Variants in PARN observed in about 807,000 individuals in gnomAD.
The protein encoded by PARN is poly(A)-specific ribonuclease, also known as poly(A)-specific ribonuclease PARN.
In PARN, 71 loss-of-function variants were observed where a neutral mutation model predicts 102.8. The ratio of observed to expected loss-of-function variants is 0.69; its 90% CI spans 0.57 to 0.84. The LOEUF (loss-of-function observed/expected upper bound fraction) is 0.84. Among genes scored for constraint, PARN ranks in the 40% least tolerant of loss-of-function variants. The probability of loss-of-function intolerance (pLI) is 0.00; values close to 1 mark genes in which losing one functional copy is unlikely to be tolerated. For missense variants in PARN, 782 were observed against 760.9 expected (o/e 1.03, Z -0.33); for synonymous variants, 261 against 252.9 (o/e 1.03, Z -0.30).
At chr16:14,538,219 C>CTTTT (rs34012270) in intron 21 of PARN, among the ~76,000 whole-genome samples, 1 of 131,834 alleles carries the variant, frequency 7.6e-6, no homozygotes, top group Admixed American at 7.6e-5. Flanking sequence ...ATATTTTTCA[C>CTTTT]TTTTTTTTTT....
intron 6 of PARN, among the ~76,000 whole-genome samples, chr16:14,616,817 A>C (rs1971931372): frequency 6.6e-6 from 1 of 152,098 alleles, no homozygotes; most frequent in African/African-American, 2.4e-5. Flanking sequence ...AATAAACATA[A>C]ACATGCACTA....
chr16:14,625,772 C>T (rs1460568098), intron 5 of PARN, among the ~76,000 whole-genome samples: 1 of 152,162 alleles, frequency 6.6e-6, no homozygotes, highest in Non-Finnish European at 1.5e-5. Context: ...ACCCTCGAGG[C>T]TTTCATAACT....
intron 22 of PARN, among the ~76,000 whole-genome samples, chr16:14,453,138 A>G (rs1193453991): frequency 6.6e-6 from 1 of 152,248 alleles, no homozygotes; most frequent in Non-Finnish European, 1.5e-5. Context: ...GCTAGTTTAT[A>G]ATGAATAAGA....
At chr16:14,456,794 G>A (rs985274719) in intron 22 of PARN, among the ~76,000 whole-genome samples, 9 of 152,074 alleles carry the variant, frequency 5.9e-5, no homozygotes, top group Non-Finnish European at 1.0e-4. Context: ...TCACTGTGCC[G>A]GTCTCAACAG....
At chr16:14,482,943 T>C in intron 21 of PARN, 116 bp from the exon 22 acceptor site, 1 of 767,834 alleles carries the variant, frequency 1.3e-6, no homozygotes. Context: ...GCCTGAGGTC[T>C]GACCCTTGGC....
At chr16:14,546,646 C>T (rs1343268253) in intron 21 of PARN, among the ~76,000 whole-genome samples, 3 of 152,110 alleles carry the variant, frequency 2.0e-5, no homozygotes, top group Non-Finnish European at 2.9e-5. Flanking sequence ...CAATGTCCTA[C>T]GATGCATTTA....
At chr16:14,554,284 TA>T in intron 19 of PARN, 133 bp from the exon 20 acceptor site, 1 of 623,322 alleles carries the variant, frequency 1.6e-6, no homozygotes, top group Non-Finnish European at 2.8e-6. Flanking sequence ...AAACAACTCC[TA>T]AAAGTATGCC....
chr16:14,554,434 A>ATT (rs56118961), intron 19 of PARN, among the ~76,000 whole-genome samples: 1 of 144,540 alleles, frequency 6.9e-6, no homozygotes, highest in African/African-American at 2.5e-5. Flanking sequence ...TTATTTTTTA[A>ATT]TTTTTTTTTT....
At chr16:14,618,681 A>C (rs1213642152) in intron 5 of PARN, among the ~76,000 whole-genome samples, 3 of 151,006 alleles carry the variant, frequency 2.0e-5, no homozygotes, top group Non-Finnish European at 4.4e-5. Flanking sequence ...AAAATATTCC[A>C]CTGGGCGAAC....
At chr16:14,479,328 A>G (rs920512941) in intron 22 of PARN, among the ~76,000 whole-genome samples, 16 of 151,992 alleles carry the variant, frequency 1.1e-4, no homozygotes, top group Admixed American at 2.6e-4. Flanking sequence ...TGGCTGAGGC[A>G]GGAGACTCCT....
chr16:14,494,501 T>C (rs1483138877), intron 21 of PARN, among the ~76,000 whole-genome samples: 5 of 152,118 alleles, frequency 3.3e-5, no homozygotes, highest in East Asian at 3.9e-4. Context: ...GCAGGTAGTG[T>C]AGAAATTCTG....
At chr16:14,523,254 CACAA>C (rs1458183749) in intron 21 of PARN, among the ~76,000 whole-genome samples, 1 of 151,116 alleles carries the variant, frequency 6.6e-6, no homozygotes, top group African/African-American at 2.4e-5. Context: ...CACACACACA[CACAA>C]ACTATACATA....
At position 14,629,300 on chromosome 16, in the gene PARN, AAC is replaced by A. The variant is rs777079878; in HGVS notation, c.97+295_97+296del. 4.6e-5 allele frequency among the ~76,000 whole-genome samples: 7 copies of A among 152,356 alleles called. No homozygotes were observed. The South Asian group carries it at 6.2e-4, about 14-fold the overall frequency. ...TACCTATTTTACAATCAAGAAAAAA[AAC>A]AGTCTGACCCTAATCCTCAAGCTCT... On this transcript the variant is annotated intron_variant, in intron 2 of 23. Transcript: ENST00000437198.
At chr16:14,577,410 T>C (rs1426343401) in intron 18 of PARN, among the ~76,000 whole-genome samples, 2 of 152,178 alleles carry the variant, frequency 1.3e-5, no homozygotes, top group East Asian at 1.9e-4. Flanking sequence ...CTTTTTTCTT[T>C]TTGGTCTCCT....
rs1192924206 is a variant in PARN, at chr16:14,584,762, G to C, written c.992C>G (p.Thr331Arg). The change falls in exon 15 of 24, where the codon ACA (threonine) becomes AGA (arginine). Residue 331 changes from threonine (T) to arginine (R), a missense_variant. Physicochemically the swap from Thr to Arg is moderately conservative, Grantham distance 71 (BLOSUM62 -1). Transcript: ENST00000437198. ...RLLDTKLMAS[T>R]QPFKDIINNT... The stretch of plus-strand genomic sequence containing the variant: ...AATGAATAATACCTTAAAAGGTTGT[G>C]TGCTGGCCATCAATTTAGTATCCAA... The C allele has an allele frequency of 6.4e-7, 1 of 1,570,646 alleles. No homozygotes were observed.
intron 22 of PARN, among the ~76,000 whole-genome samples, chr16:14,466,013 G>C (rs1487538345): frequency 6.6e-6 from 1 of 152,198 alleles, no homozygotes; most frequent in African/African-American, 2.4e-5. Flanking sequence ...TGGAGGGTGG[G>C]AGGAGGATCA....
At chr16:14,627,658 C>G (rs1339993797) in intron 3 of PARN, among the ~76,000 whole-genome samples, 1 of 152,088 alleles carries the variant, frequency 6.6e-6, no homozygotes, top group Non-Finnish European at 1.5e-5. Context: ...TATTTTCCAG[C>G]AAACAATTAT....
chr16:14,511,689 G>A (rs142529706), intron 21 of PARN, among the ~76,000 whole-genome samples: 1 of 152,126 alleles, frequency 6.6e-6, no homozygotes, highest in East Asian at 1.9e-4. Flanking sequence ...CTATGTTATG[G>A]TATGTTATGT....
intron 18 of PARN, among the ~76,000 whole-genome samples, chr16:14,564,346 C>CA (rs1172566332): frequency 6.6e-6 from 1 of 152,112 alleles, no homozygotes; most frequent in East Asian, 1.9e-4. Context: ...AGCCCTGATA[C>CA]AAAAAATGAG....
Sources: gnomAD v4.1 joint callset for allele counts (sites outside exome capture counted in the v4.1 genomes callset) on GRCh38, gnomAD v4.1.1 for gene constraint, MANE v1.5 for transcripts, NCBI Gene and HGNC (gene_info 2026-07-23, HGNC 2026-07-21) for gene names.